The following AUH variants were observed in gnomAD, a reference collection of about 807,000 sequenced individuals.
The protein encoded by AUH is methylglutaconyl-CoA hydratase, mitochondrial.
Under a neutral mutation model 42.3 loss-of-function variants are expected in AUH, and 29 were observed. The ratio of observed to expected loss-of-function variants is 0.69; its 90% CI spans 0.51 to 0.93. The LOEUF (loss-of-function observed/expected upper bound fraction) is 0.93, where lower values mean the gene tolerates loss of function less well. Among genes scored for constraint, AUH ranks in the 40% least tolerant of loss-of-function variants. The pLI is 0.00. For missense variants in AUH, 452 were observed against 438.1 expected (o/e 1.03, Z -0.28); for synonymous variants, 174 against 166.4 (o/e 1.05, Z -0.35).
intron 6 of AUH, among the ~76,000 whole-genome samples, chr9:91,288,414 G>A (rs1183645648): frequency 2.6e-5 from 4 of 152,124 alleles, no homozygotes; most frequent in East Asian, 1.9e-4. Flanking sequence ...GATAGGAAAT[G>A]TAAATGCTTT....
At chr9:91,358,260 T>A (rs1832588143) in intron 1 of AUH, among the ~76,000 whole-genome samples, 1 of 151,986 alleles carries the variant, frequency 6.6e-6, no homozygotes, top group Non-Finnish European at 1.5e-5. Context: ...ACTACCAAGG[T>A]GAGGGTGGAG....
At chr9:91,295,671 T>C (rs886698447) in intron 6 of AUH, among the ~76,000 whole-genome samples, 2 of 152,204 alleles carry the variant, frequency 1.3e-5, no homozygotes, top group African/African-American at 4.8e-5. Flanking sequence ...AGGTGACCAT[T>C]AGAAAATTTA....
At chr9:91,331,481 T>C (rs1191531415) in intron 3 of AUH, among the ~76,000 whole-genome samples, 1 of 152,236 alleles carries the variant, frequency 6.6e-6, no homozygotes, top group Non-Finnish European at 1.5e-5. Context: ...TTAAATGAAC[T>C]TTATATCTCC....
At chr9:91,246,528 G>T (rs1828804356) in intron 6 of AUH, among the ~76,000 whole-genome samples, 1 of 152,218 alleles carries the variant, frequency 6.6e-6, no homozygotes, top group African/African-American at 2.4e-5. Context: ...GAGACTCAAA[G>T]AGGCGATGGC....
At chr9:91,262,304 T>C (rs1165201267) in intron 6 of AUH, among the ~76,000 whole-genome samples, 1 of 152,204 alleles carries the variant, frequency 6.6e-6, no homozygotes, top group Non-Finnish European at 1.5e-5. Context: ...AAATCTGCTT[T>C]CTAATAGAAA....
chr9:91,307,561 C>T (rs1229162809), intron 4 of AUH, among the ~76,000 whole-genome samples: 1 of 152,144 alleles, frequency 6.6e-6, no homozygotes, highest in African/African-American at 2.4e-5. Flanking sequence ...GACAAAATCT[C>T]GCACCATCCT....
In AUH at chr9:91,355,916, T is replaced by C. The variant is rs1423043030; in HGVS notation, c.385A>G (p.Ile129Val). The C allele has an allele frequency of 1.9e-6, 3 of 1,613,426 alleles. No individual in the cohort carries two copies. The highest frequency in any genetic ancestry group is 3.3e-5 in the Admixed American group (2 of 60,010). Residue 129 changes from isoleucine (I) to valine (V), a missense_variant, in exon 3 of 10, where the codon ATC becomes GTC. Physicochemically the swap from Ile to Val is conservative, Grantham distance 29. Transcript: ENST00000375731. Reference sequence around the variant, plus strand: ...AATATCCCTGGGACTTCACTCCTGATTATTATGGTCCGTACTTTCTTATCA... The same window carrying C: ...AATATCCCTGGGACTTCACTCCTGACTATTATGGTCCGTACTTTCTTATCA... ...KSDKKVRTII[I>V]RSEVPGIFCA...
chr9:91,306,382 T>C (rs1268597570), intron 4 of AUH: 20 of 985,194 alleles, frequency 2.0e-5, no homozygotes, highest in Non-Finnish European at 2.3e-5. Context: ...TTAACAAAAC[T>C]CTTGGCATTT....
chr9:91,312,057 T>G (rs1828740090), intron 4 of AUH, among the ~76,000 whole-genome samples: 1 of 152,122 alleles, frequency 6.6e-6, no homozygotes, highest in African/African-American at 2.4e-5. Flanking sequence ...TATTCTAGGA[T>G]TTTACTGTTT....
chr9:91,227,089 A>T (rs1827544766), intron 6 of AUH, among the ~76,000 whole-genome samples: 1 of 151,666 alleles, frequency 6.6e-6, no homozygotes, highest in African/African-American at 2.4e-5. Flanking sequence ...TTCTGTAAAG[A>T]AAGGCATTGG....
chr9:91,275,799 A>C (rs138126669), intron 6 of AUH, among the ~76,000 whole-genome samples: 264 of 152,346 alleles, frequency 1.7e-3, no homozygotes, highest in African/African-American at 6.2e-3. Flanking sequence ...ATTCCAGGGC[A>C]GTGGAAATTA....
intron 6 of AUH, among the ~76,000 whole-genome samples, chr9:91,286,124 T>C (rs1383649795): frequency 6.6e-6 from 1 of 152,180 alleles, no homozygotes; most frequent in African/African-American, 2.4e-5. Context: ...CTGCTGAGGA[T>C]ATTTAAAAGA....
At chr9:91,220,655 G>A (rs1827078057) in intron 7 of AUH, 150 bp downstream of exon 7, 1 of 742,246 alleles carries the variant, frequency 1.3e-6, no homozygotes, top group Non-Finnish European at 2.2e-6. Flanking sequence ...TTTATCTTGT[G>A]TAACTGCTCT....
intron 6 of AUH, among the ~76,000 whole-genome samples, chr9:91,251,239 T>C (rs1442011656): frequency 1.3e-5 from 2 of 152,156 alleles, no homozygotes; most frequent in Non-Finnish European, 2.9e-5. Flanking sequence ...TGCTCCAACA[T>C]TTGGAGTGCA....
Position 91,289,829 on chromosome 9 carries a change from CT to C in AUH, c.655+6191del, listed in dbSNP as rs553513850. ...CTACATAAAAATTTCAGAATAGCTCCTTTAGGTAATAAACACAAAAACGTAT... is the reference window on the plus strand; with the variant it reads ...CTACATAAAAATTTCAGAATAGCTCCTTAGGTAATAAACACAAAAACGTAT... On this transcript the variant is annotated intron_variant, in intron 6 of 9. Coordinates refer to ENST00000375731, the MANE Select transcript of AUH (RefSeq NM_001698.3). 9.2e-5 allele frequency among the ~76,000 whole-genome samples: 14 copies of C among 152,216 alleles called. No individual in the cohort carries two copies. In the East Asian group the frequency reaches 2.7e-3, roughly 29 times the overall value.
intron 4 of AUH, among the ~76,000 whole-genome samples, chr9:91,308,211 A>G (rs1828379949): frequency 6.6e-6 from 1 of 152,190 alleles, no homozygotes; most frequent in Non-Finnish European, 1.5e-5. Flanking sequence ...CCACTAAGAA[A>G]AAGATTAGCC....
rs58596158 is a variant in AUH at position 91,257,779 on chromosome 9, T to G, written c.656-36787A>C. Among the ~76,000 whole-genome samples, 1,379 of 152,320 alleles carry G rather than the reference T, an allele frequency of 9.1e-3. 27 individuals are homozygous for G. Among genetic ancestry groups the G allele is most frequent in the African/African-American group, 0.032 (1,324 of 41,570 alleles). On this transcript the variant is annotated intron_variant, in intron 6 of 9. Coordinates refer to ENST00000375731, the MANE Select transcript of AUH (RefSeq NM_001698.3). ...TTTCCATCAAAATTTTAGAACCACC[T>G]TGCCATTGTACACAAAAATCGCTGT... is the stretch of plus-strand genomic sequence containing the variant.
intron 6 of AUH, chr9:91,294,695 T>G (rs769777815): frequency 5.0e-5 from 23 of 455,924 alleles, no homozygotes; most frequent in South Asian, 3.6e-4. Context: ...TCATGATTCA[T>G]GGGAAGAGGC....
chr9:91,353,569 T>C (rs192053025), intron 3 of AUH, among the ~76,000 whole-genome samples: 2 of 152,166 alleles, frequency 1.3e-5, no homozygotes, highest in South Asian at 2.1e-4. Context: ...TTTTATTTCA[T>C]ATGTACATGT....
Sources: allele counts gnomAD v4.1 joint callset (sites outside exome capture counted in the v4.1 genomes callset), GRCh38; gene constraint gnomAD v4.1.1; transcripts MANE v1.5; gene names NCBI Gene and HGNC (gene_info 2026-07-23, HGNC 2026-07-21).